The following PACS2 variants were observed in gnomAD, a reference collection of about 807,000 sequenced individuals.
PACS2 encodes the protein PACS1-like protein.
A neutral mutation model predicts 113.0 loss-of-function variants in PACS2; 36 were observed. The observed-to-expected ratio is 0.32, with a 90% CI of 0.24 to 0.42. PACS2 has a LOEUF of 0.42. PACS2 is among the 10% of genes least tolerant of loss of function. The pLI, the probability that PACS2 is intolerant of heterozygous loss-of-function variation, is 1.00. For missense variants in PACS2, 1,015 were observed against 1,239.5 expected (o/e 0.82, Z 2.72); for synonymous variants, 589 against 536.1 (o/e 1.10, Z -1.36).
chr14:105,360,810 G>A (rs1052129062), intron 4 of PACS2, among the ~76,000 whole-genome samples: 1 of 152,172 alleles, frequency 6.6e-6, no homozygotes, highest in Non-Finnish European at 1.5e-5. Context: ...CAGAATTGGG[G>A]TCAGTCCTCT....
upstream of PACS2, among the ~76,000 whole-genome samples, chr14:105,311,983 C>G (rs925968476): frequency 4.6e-5 from 7 of 152,240 alleles, no homozygotes; most frequent in Non-Finnish European, 8.8e-5. Flanking sequence ...CTCAGCCCAG[C>G]TCCTGGCAGG....
intron 7 of PACS2, 119 bp from the exon 8 acceptor site, chr14:105,369,722 C>A: frequency 1.3e-6 from 1 of 787,014 alleles, no homozygotes; most frequent in Non-Finnish European, 2.1e-6. Context: ...GTGGCTGGTG[C>A]TGAGGCCTTG....
At chr14:105,384,504 G>A (rs1256494201) in intron 17 of PACS2, 41 bp downstream of exon 17, 3 of 1,399,056 alleles carry the variant, frequency 2.1e-6, no homozygotes, top group South Asian at 1.2e-5. Context: ...CACGGCGGGA[G>A]GAAGGGGCCC....
intron 1 of PACS2, among the ~76,000 whole-genome samples, chr14:105,305,989 C>T (rs1160080161): frequency 1.3e-5 from 2 of 152,258 alleles, no homozygotes; most frequent in African/African-American, 4.8e-5. Context: ...TGCCCCTAGA[C>T]CTGACTCCAG....
intron 12 of PACS2, 58 bp downstream of exon 12, chr14:105,381,157 T>A (rs2080980114): frequency 1.3e-6 from 2 of 1,504,220 alleles, no homozygotes; most frequent in Admixed American, 1.8e-5. Context: ...GGAGGGGCCG[T>A]CACGGGCATC....
chr14:105,375,246 G>A (rs587665201), intron 8 of PACS2, among the ~76,000 whole-genome samples: 3 of 152,272 alleles, frequency 2.0e-5, no homozygotes, highest in Admixed American at 2.0e-4. Flanking sequence ...TTGGGAGGCC[G>A]AGGCGGGTGG....
Position 105,381,661 on chromosome 14 carries a change from G to C in PACS2, c.1269-253G>C, listed in dbSNP as rs587598076. Among the ~76,000 whole-genome samples the C allele has an allele frequency of 5.3e-5, 8 of 152,338 alleles. No homozygotes were observed. The South Asian group carries it at 8.3e-4, about 16-fold the overall frequency. On this transcript the variant is annotated intron_variant, in intron 12 of 24. Transcript: ENST00000447393. ...GGCTCCAAGCCTCCTGGCCTGGCTCGAAGTCTCACAGGCAGAGCTGTGTGG... is the reference window on the plus strand; with the variant it reads ...GGCTCCAAGCCTCCTGGCCTGGCTCCAAGTCTCACAGGCAGAGCTGTGTGG...
At chr14:105,304,384 A>G (rs1031952758) in intron 1 of PACS2, among the ~76,000 whole-genome samples, 3 of 152,150 alleles carry the variant, frequency 2.0e-5, no homozygotes, top group African/African-American at 4.8e-5. Flanking sequence ...GCTACTCGGG[A>G]GGCTGAGGCA....
rs1189676949 is a variant in PACS2 at position 105,356,101 on chromosome 14, G to T, written c.423+924G>T. Among the ~76,000 whole-genome samples the T allele has an allele frequency of 6.6e-6, 1 of 152,078 alleles. No individual in the cohort carries two copies. The highest frequency in any genetic ancestry group is 1.9e-4 in the East Asian group (1 of 5,186). The stretch of plus-strand genomic sequence containing the variant: ...CCCCAGCCCCTCTTCTTCCCACTTT[G>T]TCCCCCTGCTCCTGGGGCTTGGGGC... On this transcript the variant is annotated intron_variant, in intron 4 of 24. Transcript: ENST00000447393. This position sits in a 1 kb window ranked among gnomAD's most constrained non-coding sequence, Gnocchi z 4.0.
intron 1 of PACS2, among the ~76,000 whole-genome samples, chr14:105,335,336 G>A (rs961985335): frequency 1.3e-5 from 2 of 151,122 alleles, no homozygotes; most frequent in Non-Finnish European, 2.9e-5. Context: ...GTGACGCTGT[G>A]GCCGGCGCCT....
Position 105,384,346 on chromosome 14 carries a change from C to T in PACS2, c.1781-7C>T, listed in dbSNP as rs1555412976. ...GTGGTGACACCAGCCCCACCCCTGGCATGCAGGCTCCCACCCCGTGGCCAG... is the reference window on the plus strand; with the variant it reads ...GTGGTGACACCAGCCCCACCCCTGGTATGCAGGCTCCCACCCCGTGGCCAG... On this transcript the variant is annotated splice_region_variant and splice_polypyrimidine_tract_variant and intron_variant, in intron 16 of 24. Transcript: ENST00000447393. The T allele has an allele frequency of 5.7e-6, 9 of 1,569,190 alleles. No individual in the cohort carries two copies. The highest frequency in any genetic ancestry group is 7.9e-6 in the Non-Finnish European group (9 of 1,142,240).
At chr14:105,389,841 G>T (rs1231787225) in intron 19 of PACS2, 120 bp from the exon 20 acceptor site, 2 of 880,512 alleles carry the variant, frequency 2.3e-6, no homozygotes, top group Non-Finnish European at 3.8e-6. Context: ...GTCCGGCAGG[G>T]CCATCCGGCA....
rs2081565250 is a variant in PACS2, at chr14:105,397,667, T to G, written c.*2995T>G. 6.6e-6 allele frequency: 1 copy of G among 152,644 alleles called. No homozygotes were observed. Among genetic ancestry groups the G allele is most frequent in the Non-Finnish European group, 1.5e-5 (1 of 68,374 alleles). 9.5% of individuals were successfully genotyped at this position (152,644 alleles called of 1,614,324 possible). On this transcript the variant is annotated 3_prime_UTR_variant, in exon 25 of 25. Transcript: ENST00000447393. ...CCTGGTTCAGTGCCTCGGCCAGAGC[T>G]GGGGCAGGAGAGGGGCCTCTGGGTG...
At chr14:105,371,198 T>C (rs1195016245) in intron 8 of PACS2, 3 of 152,222 alleles carry the variant, frequency 2.0e-5, no homozygotes, top group Non-Finnish European at 4.4e-5. Context: ...CTGTGTCTTT[T>C]GGTTTGCATC....
chr14:105,393,107 T>G (rs1728047554), intron 23 of PACS2, 115 bp from the exon 24 acceptor site: 1 of 812,628 alleles, frequency 1.2e-6, no homozygotes, highest in Admixed American at 2.2e-5. Flanking sequence ...GTTTCCTAGG[T>G]GAGCAGTGCC....
At chr14:105,316,942 G>A (rs1204964525) in intron 1 of PACS2, among the ~76,000 whole-genome samples, 3 of 152,198 alleles carry the variant, frequency 2.0e-5, no homozygotes, top group Non-Finnish European at 2.9e-5. Context: ...CAGTTTGTTC[G>A]TAGGACATGC....
At chr14:105,327,187 G>A (rs1263448556) in intron 1 of PACS2, among the ~76,000 whole-genome samples, 3 of 152,250 alleles carry the variant, frequency 2.0e-5, no homozygotes, top group African/African-American at 4.8e-5. Flanking sequence ...CCAGCTGGGA[G>A]GCCGGCGTGC....
intron 1 of PACS2, among the ~76,000 whole-genome samples, chr14:105,345,999 G>A (rs1258138621): frequency 6.6e-6 from 1 of 152,122 alleles, no homozygotes; most frequent in Non-Finnish European, 1.5e-5. Flanking sequence ...TGAGTTATGA[G>A]AATGACTTTA....
At chr14:105,359,737 G>A (rs1452219891) in intron 4 of PACS2, among the ~76,000 whole-genome samples, 6 of 151,320 alleles carry the variant, frequency 4.0e-5, no homozygotes, top group African/African-American at 9.7e-5. Context: ...GACTACAGGC[G>A]CCCGCCACTA....
Sources: gnomAD v4.1 joint callset for allele counts (sites outside exome capture counted in the v4.1 genomes callset) on GRCh38, gnomAD v4.1.1 for gene constraint, Gnocchi (gnomAD v3.1) non-coding constraint, MANE v1.5 for transcripts, NCBI Gene and HGNC (gene_info 2026-07-23, HGNC 2026-07-21) for gene names.